NDUFAF4: variants seen among roughly 807,000 people sequenced by gnomAD.
NDUFAF4 encodes NADH dehydrogenase [ubiquinone] 1 alpha subcomplex assembly factor 4.
NDUFAF4 carries 10 observed loss-of-function variants against 15.6 expected under a neutral mutation model. The observed-to-expected ratio is 0.64, with a 90% CI of 0.40 to 1.09. The LOEUF (loss-of-function observed/expected upper bound fraction) is 1.09, where lower values mean the gene tolerates loss of function less well. NDUFAF4 is among the 50% of genes least tolerant of loss of function. NDUFAF4 has a pLI of 0.01. For missense variants in NDUFAF4, 203 were observed against 207.3 expected (o/e 0.98, Z 0.13); for synonymous variants, 77 against 73.3 (o/e 1.05, Z -0.26).
rs62415286 is a variant in NDUFAF4, at chr6:96,896,910, G to T, written c.137-63C>A. 5.3e-6 allele frequency: 6 copies of T among 1,139,086 alleles called. No homozygotes were observed. In the East Asian group the frequency reaches 7.0e-5, roughly 13 times the overall value. The allele number at this position is 1,139,086 out of a possible 1,614,324, so 70.6% of individuals were successfully genotyped here. On this transcript the variant is annotated intron_variant, in intron 1 of 2. Coordinates refer to ENST00000316149, the MANE Select transcript of NDUFAF4 (RefSeq NM_014165.4). ...GAAAATTTCCTGTAATATCCTAAACGCTTAACACAAACGCTTTCTTTTATT... is the reference window on the plus strand; with the variant it reads ...GAAAATTTCCTGTAATATCCTAAACTCTTAACACAAACGCTTTCTTTTATT...
At chr6:96,893,433 C>T (rs1383657030) in intron 2 of NDUFAF4, among the ~76,000 whole-genome samples, 1 of 152,138 alleles carries the variant, frequency 6.6e-6, no homozygotes, top group Non-Finnish European at 1.5e-5. Context: ...CATCCCAACT[C>T]ACTTCTCCCA....
rs779751481 is a variant in NDUFAF4 at position 96,897,778 on chromosome 6, AC to A, written c.23del (p.Gly8ValfsTer7). 16 of 1,613,978 alleles carry A rather than the reference AC, an allele frequency of 9.9e-6. No individual in the cohort carries two copies. The highest frequency in any genetic ancestry group is 1.4e-5 in the Non-Finnish European group (16 of 1,179,988). On this transcript the variant is annotated frameshift_variant, in exon 1 of 3. Transcript: ENST00000316149. LOFTEE classifies it high-confidence loss of function. The stretch of plus-strand genomic sequence containing the variant: ...GGTTCTCTAGGTTGAAATTCCTGAT[AC>A]CGCGAATCACTAGTGCTCCCATCTC... MGALVIR[G>X]IRNFNLENRA...
intron 2 of NDUFAF4, among the ~76,000 whole-genome samples, chr6:96,894,854 G>C (rs1476065884): frequency 6.6e-6 from 1 of 152,128 alleles, no homozygotes. Flanking sequence ...TAAAGAACCT[G>C]ACAATTTCAT....
chr6:96,891,009 A>C lies in NDUFAF4; in HGVS notation c.*95T>G. ...TATGCCCTCACAATGAGAGCATTAA[A>C]TATTTGGTAATTAACATAATTTATT... On this transcript the variant is annotated 3_prime_UTR_variant, in exon 3 of 3. Coordinates refer to ENST00000316149, the MANE Select transcript of NDUFAF4 (RefSeq NM_014165.4). 2 of 1,172,206 alleles carry C rather than the reference A, an allele frequency of 1.7e-6. No homozygotes were observed. The highest frequency in any genetic ancestry group is 2.5e-6 in the Non-Finnish European group (2 of 807,156). 72.6% of individuals were successfully genotyped at this position (1,172,206 alleles called of 1,614,324 possible).
At chr6:96,895,380 A>G (rs1204677232) in intron 2 of NDUFAF4, among the ~76,000 whole-genome samples, 1 of 152,202 alleles carries the variant, frequency 6.6e-6, no homozygotes, top group Non-Finnish European at 1.5e-5. Context: ...CACAGTATCA[A>G]TGATGTCTAG....
At chr6:96,897,568 T>C in intron 1 of NDUFAF4, 98 bp downstream of exon 1, 1 of 1,535,402 alleles carries the variant, frequency 6.5e-7, no homozygotes, top group Non-Finnish European at 8.8e-7. Context: ...CCGAGCAGGC[T>C]GACGCCGATC....
In NDUFAF4 at chr6:96,897,244, A is replaced by T. The variant is rs117997949; in HGVS notation, c.137-397T>A. On this transcript the variant is annotated intron_variant, in intron 1 of 2. Coordinates refer to ENST00000316149, the MANE Select transcript of NDUFAF4 (RefSeq NM_014165.4). ...CCGGCCTAACCACTTTAATTTTTTT[A>T]AAAAATAAACATAATCATTTGGACT... Among the ~76,000 whole-genome samples, 2,350 of 152,276 alleles carry T rather than the reference A, an allele frequency of 0.015. 49 individuals are homozygous for T. Among genetic ancestry groups the T allele is most frequent in the African/African-American group, 0.044 (1,844 of 41,542 alleles).
chr6:96,892,906 G>A (rs778661686), intron 2 of NDUFAF4, among the ~76,000 whole-genome samples: 6 of 151,902 alleles, frequency 3.9e-5, no homozygotes, highest in Non-Finnish European at 7.4e-5. Context: ...AGCTGTGATC[G>A]TAAACCAAGA....
chr6:96,894,197 C>G (rs956313659), intron 2 of NDUFAF4, among the ~76,000 whole-genome samples: 4 of 152,190 alleles, frequency 2.6e-5, no homozygotes, highest in African/African-American at 7.2e-5. Flanking sequence ...TGAATTCTTA[C>G]GCTATCCATT....
chr6:96,897,013 G>A, intron 1 of NDUFAF4, 166 bp from the exon 2 acceptor site: 3 of 583,264 alleles, frequency 5.1e-6, no homozygotes, highest in Non-Finnish European at 9.2e-6. Flanking sequence ...TGCAACCTCC[G>A]CCTCCCGGGT....
At position 96,890,781 on chromosome 6, in the gene NDUFAF4, T is replaced by A. The variant is rs9487453; in HGVS notation, c.*323A>T. 16,557 of 247,652 alleles carry A rather than the reference T, an allele frequency of 0.067. 1,042 individuals carry two copies. Among genetic ancestry groups the A allele is most frequent in the African/African-American group, 0.2 (8,490 of 43,060 alleles). 15.3% of individuals were successfully genotyped at this position (247,652 alleles called of 1,614,324 possible). A position where few individuals can be genotyped will look rare whatever the true frequency, so the allele number is the denominator to read the frequency against. ...AAACTCAGTTGAGGGATTCAGGACA[T>A]TTCCCAAGGGGTAATATGACCAATT... is the stretch of plus-strand genomic sequence containing the variant. On this transcript the variant is annotated 3_prime_UTR_variant, in exon 3 of 3. Transcript: ENST00000316149.
chr6:96,891,100 T>G lies in NDUFAF4; in HGVS notation c.*4A>C, dbSNP rs1205110213. On this transcript the variant is annotated 3_prime_UTR_variant, in exon 3 of 3. Coordinates refer to ENST00000316149, the MANE Select transcript of NDUFAF4 (RefSeq NM_014165.4). The stretch of plus-strand genomic sequence containing the variant: ...GTACACATAGGAAATTTCTGTGATT[T>G]TCTTCATTTTGATCGTATTGCTTTC... 1 of 1,611,672 alleles carries G rather than the reference T, an allele frequency of 6.2e-7. No homozygotes were observed. The highest frequency in any genetic ancestry group is 1.3e-5 in the African/African-American group (1 of 74,858).
intron 2 of NDUFAF4, among the ~76,000 whole-genome samples, chr6:96,892,460 G>GTT (rs1350169395): frequency 6.6e-6 from 1 of 152,106 alleles, no homozygotes; most frequent in African/African-American, 2.4e-5. Context: ...TAGTTACTAT[G>GTT]TTTTTTAACA....
At chr6:96,895,602 C>G (rs1172960659) in intron 2 of NDUFAF4, among the ~76,000 whole-genome samples, 3 of 151,444 alleles carry the variant, frequency 2.0e-5, no homozygotes, top group Non-Finnish European at 2.9e-5. Flanking sequence ...TTTTTGCTCC[C>G]AAGAGTGAAT....
intron 2 of NDUFAF4, among the ~76,000 whole-genome samples, chr6:96,894,801 T>C (rs1775352000): frequency 6.6e-6 from 1 of 152,204 alleles, no homozygotes; most frequent in African/African-American, 2.4e-5. Context: ...AATTAATCCA[T>C]AAATTCCCAT....
intron 2 of NDUFAF4, among the ~76,000 whole-genome samples, chr6:96,894,106 C>G (rs1343631326): frequency 6.6e-6 from 1 of 152,184 alleles, no homozygotes; most frequent in Non-Finnish European, 1.5e-5. Context: ...AAGTCAACTA[C>G]AGACCAAAAA....
At chr6:96,894,514 T>C (rs1775348570) in intron 2 of NDUFAF4, among the ~76,000 whole-genome samples, 1 of 152,202 alleles carries the variant, frequency 6.6e-6, no homozygotes, top group Non-Finnish European at 1.5e-5. Flanking sequence ...AGAATGAATC[T>C]TCGAACCCTG....
Position 96,890,906 on chromosome 6 carries a change from C to A in NDUFAF4, c.*198G>T, listed in dbSNP as rs1392955158. On this transcript the variant is annotated 3_prime_UTR_variant, in exon 3 of 3. Transcript: ENST00000316149. ...TGCTGACATGCACTTATGAAATATG[C>A]CTAAACCAAATTAAAATAAAACAAA... 3.7e-6 allele frequency: 2 copies of A among 546,850 alleles called. No homozygotes were observed. Among genetic ancestry groups the A allele is most frequent in the Non-Finnish European group, 6.4e-6 (2 of 310,918 alleles). 33.9% of individuals were successfully genotyped at this position (546,850 alleles called of 1,614,324 possible).
At chr6:96,897,061 A>C in intron 1 of NDUFAF4, 1 of 506,156 alleles carries the variant, frequency 2.0e-6, no homozygotes, top group South Asian at 2.0e-5. Context: ...CGACAAGCTG[A>C]GGCTACAGGC....
Sources: allele counts gnomAD v4.1 joint callset (sites outside exome capture counted in the v4.1 genomes callset), GRCh38; gene constraint gnomAD v4.1.1; transcripts MANE v1.5; gene names NCBI Gene and HGNC (gene_info 2026-07-23, HGNC 2026-07-21).